AFF3: variants seen among roughly 807,000 people sequenced by gnomAD.
The protein encoded by AFF3 is AF4/FMR2 family member 3.
AFF3 carries 32 observed loss-of-function variants against 129.7 expected under a neutral mutation model. The ratio of observed to expected loss-of-function variants is 0.25; its 90% CI spans 0.19 to 0.33. The LOEUF is 0.33. Among genes scored for constraint, AFF3 ranks in the 10% least tolerant of loss-of-function variants. The pLI is 1.00. For synonymous variants in AFF3, 644 were observed against 635.4 expected, an observed-to-expected ratio of 1.01 and a Z score of -0.20; for missense variants, 1,373 against 1,592.0, an observed-to-expected ratio of 0.86 and a Z score of 2.34.
intron 13 of AFF3, among the ~76,000 whole-genome samples, chr2:99,622,019 G>C (rs1682071424): frequency 6.6e-6 from 1 of 152,196 alleles, no homozygotes; most frequent in African/African-American, 2.4e-5. Flanking sequence ...TGAAAAAACA[G>C]ACTGGGATTG....
At chr2:100,074,534 G>A (rs1464511482) in intron 4 of AFF3, among the ~76,000 whole-genome samples, 1 of 152,100 alleles carries the variant, frequency 6.6e-6, no homozygotes, top group Non-Finnish European at 1.5e-5. Context: ...GAAGCAATAA[G>A]GTGACTTAAA....
chr2:99,565,435 T>G, intron 20 of AFF3, 52 bp downstream of exon 20: 1 of 1,598,348 alleles, frequency 6.3e-7, no homozygotes, highest in Non-Finnish European at 8.6e-7. Flanking sequence ...CCATAGTGCT[T>G]CCACACATTC....
At chr2:99,923,061 C>A (rs1695964249) in intron 7 of AFF3, among the ~76,000 whole-genome samples, 1 of 152,200 alleles carries the variant, frequency 6.6e-6, no homozygotes, top group Admixed American at 6.5e-5. Context: ...ATAGTAATTT[C>A]TGCCCTATAC....
At chr2:99,784,899 G>C (rs995080391) in intron 8 of AFF3, among the ~76,000 whole-genome samples, 1 of 152,216 alleles carries the variant, frequency 6.6e-6, no homozygotes, top group Non-Finnish European at 1.5e-5. Context: ...CTGATCAGGA[G>C]GTTGTGTTCA....
chr2:99,694,118 G>A (rs1052770874), intron 11 of AFF3, among the ~76,000 whole-genome samples: 2 of 151,732 alleles, frequency 1.3e-5, no homozygotes, highest in South Asian at 2.1e-4. Flanking sequence ...AGCTGGTCTC[G>A]AACTCTTGCT....
At chr2:99,971,785 G>A (rs1354074690) in intron 7 of AFF3, among the ~76,000 whole-genome samples, 1 of 152,110 alleles carries the variant, frequency 6.6e-6, no homozygotes, top group African/African-American at 2.4e-5. Flanking sequence ...AAAAAAATGA[G>A]CGACAAGAGT....
chr2:99,687,540 T>C (rs1675191325), intron 11 of AFF3, among the ~76,000 whole-genome samples: 1 of 152,080 alleles, frequency 6.6e-6, no homozygotes, highest in African/African-American at 2.4e-5. Context: ...CCTAGAACTC[T>C]AGGAGACAGG....
chr2:99,702,837 A>G (rs932251056), intron 11 of AFF3, among the ~76,000 whole-genome samples: 7 of 152,274 alleles, frequency 4.6e-5, no homozygotes, highest in African/African-American at 1.7e-4. Context: ...TGGTTTACAA[A>G]TAGTTTCTCC....
chr2:99,789,968 G>A (rs557090685), intron 8 of AFF3, among the ~76,000 whole-genome samples: 1 of 152,334 alleles, frequency 6.6e-6, no homozygotes, highest in African/African-American at 2.4e-5. Context: ...GGACCCTGGT[G>A]ATGATACCTA....
Position 100,070,627 on chromosome 2 carries a change from T to C in AFF3, c.53+33775A>G, listed in dbSNP as rs1688103724. ...TCATACATGATAATTTTTTTTCCATTAAAACACTTAGTTTTCTTAACAGTA... is the reference window on the plus strand; with the variant it reads ...TCATACATGATAATTTTTTTTCCATCAAAACACTTAGTTTTCTTAACAGTA... On this transcript the variant is annotated intron_variant, in intron 4 of 24. Transcript: ENST00000672756. 3.9e-5 allele frequency among the ~76,000 whole-genome samples: 6 copies of C among 152,220 alleles called. No homozygotes were observed. In the South Asian group the frequency reaches 1.2e-3, roughly 31 times the overall value.
rs141191876 is a variant in AFF3 at position 99,924,214 on chromosome 2, A to C, written c.873+82418T>G. ...TGGGGGATTCGGAAAATTTCCCAAA[A>C]GATATGATCCCTGTTGTGGGGGGTT... On this transcript the variant is annotated intron_variant, in intron 7 of 24. Transcript: ENST00000672756. Among the ~76,000 whole-genome samples the C allele has an allele frequency of 2.4e-3, 368 of 152,342 alleles. 4 individuals are homozygous for C. The highest frequency in any genetic ancestry group is 6.8e-3 in the African/African-American group (284 of 41,572).
At chr2:100,036,969 T>G (rs1221246401) in intron 4 of AFF3, among the ~76,000 whole-genome samples, 1 of 152,164 alleles carries the variant, frequency 6.6e-6, no homozygotes, top group Admixed American at 6.5e-5. Context: ...GGAGGTCTCA[T>G]GCGCTCCTGG....
At chr2:99,920,791 A>C (rs1695806880) in intron 7 of AFF3, among the ~76,000 whole-genome samples, 1 of 152,062 alleles carries the variant, frequency 6.6e-6, no homozygotes, top group Non-Finnish European at 1.5e-5. Flanking sequence ...AATCTGAAAA[A>C]ATCTACAAGA....
intron 4 of AFF3, among the ~76,000 whole-genome samples, chr2:100,068,472 G>A (rs752825977): frequency 6.6e-6 from 1 of 152,124 alleles, no homozygotes; most frequent in Non-Finnish European, 1.5e-5. Context: ...TGAACTTGGC[G>A]CCTGACACAA....
At chr2:99,731,038 C>T (rs1371199429) in intron 10 of AFF3, among the ~76,000 whole-genome samples, 1 of 152,134 alleles carries the variant, frequency 6.6e-6, no homozygotes, top group Non-Finnish European at 1.5e-5. Flanking sequence ...ACTGCAATCT[C>T]TGCCTCCCGG....
intron 18 of AFF3, among the ~76,000 whole-genome samples, chr2:99,576,447 T>C (rs1257017261): frequency 6.6e-6 from 1 of 151,318 alleles, no homozygotes; most frequent in Admixed American, 6.6e-5. Flanking sequence ...GCCCAGGAGT[T>C]TGAGGCTGCA....
intron 13 of AFF3, among the ~76,000 whole-genome samples, chr2:99,606,337 G>A (rs1225683239): frequency 1.3e-5 from 2 of 152,138 alleles, no homozygotes; most frequent in African/African-American, 2.4e-5. Flanking sequence ...CATAGGCTTG[G>A]ACAATTTTTA....
At chr2:99,693,389 T>A (rs1039654303) in intron 11 of AFF3, among the ~76,000 whole-genome samples, 1 of 152,204 alleles carries the variant, frequency 6.6e-6, no homozygotes, top group African/African-American at 2.4e-5. Context: ...AAAAACTGGA[T>A]ATGCCCAAAT....
At chr2:99,660,642 A>G (rs1686148811) in intron 12 of AFF3, among the ~76,000 whole-genome samples, 1 of 152,248 alleles carries the variant, frequency 6.6e-6, no homozygotes, top group African/African-American at 2.4e-5. Flanking sequence ...AGGTTGAAAG[A>G]AGAGGTACTC....
Sources: allele counts gnomAD v4.1 joint callset (sites outside exome capture counted in the v4.1 genomes callset), GRCh38; gene constraint gnomAD v4.1.1; transcripts MANE v1.5; gene names NCBI Gene and HGNC (gene_info 2026-07-23, HGNC 2026-07-21).